Variants in TCF7L1 observed in about 807,000 individuals in gnomAD.
TCF7L1 encodes the protein transcription factor 7-like 1.
In TCF7L1, 18 loss-of-function variants were observed where a neutral mutation model predicts 63.7. The ratio of observed to expected loss-of-function variants is 0.28; its 90% confidence interval spans 0.20 to 0.42. The LOEUF (loss-of-function observed/expected upper bound fraction) is 0.42, where lower values mean the gene tolerates loss of function less well. Ranked by LOEUF, TCF7L1 falls within the 10% of genes least tolerant of loss-of-function variation. The pLI, the probability that TCF7L1 is intolerant of heterozygous loss-of-function variation, is 1.00. For synonymous variants in TCF7L1, 355 were observed against 340.9 expected (o/e 1.04, Z -0.46); for missense variants, 654 against 779.3 (o/e 0.84, Z 1.91).
At chr2:85,264,681 T>G (rs779882283) in intron 3 of TCF7L1, among the ~76,000 whole-genome samples, 3 of 152,138 alleles carry the variant, frequency 2.0e-5, no homozygotes, top group Non-Finnish European at 4.4e-5. Flanking sequence ...TTTAGAGCCT[T>G]TGTGCTCTGA....
intron 3 of TCF7L1, among the ~76,000 whole-genome samples, chr2:85,147,586 G>C (rs890065560): frequency 6.6e-6 from 1 of 152,156 alleles, no homozygotes; most frequent in African/African-American, 2.4e-5. Flanking sequence ...GATTGAGGAG[G>C]ACAGGATCTT....
intron 3 of TCF7L1, among the ~76,000 whole-genome samples, chr2:85,138,418 T>C (rs1240309458): frequency 6.6e-6 from 1 of 152,232 alleles, no homozygotes; most frequent in East Asian, 1.9e-4. Context: ...TAAGGAAACC[T>C]TTTCTTTTGG....
Position 85,153,340 on chromosome 2 carries a change from A to ATGTTTTTTTTTTTTTTTTTTTTTT in TCF7L1, c.441+18891_441+18892insGTTTTTTTTTTTTTTTTTTTTTTT, listed in dbSNP as rs750002994. ...TTCATGATCTTGCTAGCCTTTATAA[A>ATGTTTTTTTTTTTTTTTTTTTTTT]TTTTTTTTTTTTTTTTTTTGAGATG... On this transcript the variant is annotated intron_variant, in intron 3 of 11. Coordinates refer to ENST00000282111, the MANE Select transcript of TCF7L1 (RefSeq NM_031283.3). Among the ~76,000 whole-genome samples, 28 of 102,270 alleles carry ATGTTTTTTTTTTTTTTTTTTTTTT rather than the reference A, an allele frequency of 2.7e-4. 2 individuals carry two copies. The highest frequency in any genetic ancestry group is 6.5e-4 in the South Asian group (2 of 3,082). The allele number at this position is 102,270 out of a possible 152,430, so 67.1% of individuals were successfully genotyped here.
At chr2:85,293,492 A>G (rs1681772965) in intron 4 of TCF7L1, among the ~76,000 whole-genome samples, 1 of 152,206 alleles carries the variant, frequency 6.6e-6, no homozygotes, top group Non-Finnish European at 1.5e-5. Context: ...TGCCAGCATC[A>G]TGCTTTCTGT....
chr2:85,263,059 C>T (rs1450597193), intron 3 of TCF7L1, among the ~76,000 whole-genome samples: 1 of 152,192 alleles, frequency 6.6e-6, no homozygotes, highest in African/African-American at 2.4e-5. Context: ...CTCAGCAGCC[C>T]TTTGCCTTCA....
At chr2:85,193,386 C>T (rs1228930312) in intron 3 of TCF7L1, among the ~76,000 whole-genome samples, 1 of 152,098 alleles carries the variant, frequency 6.6e-6, no homozygotes, top group African/African-American at 2.4e-5. Context: ...TTTTCTTGCT[C>T]TAAAGGGCAT....
At chr2:85,269,166 C>T (rs1283302884) in intron 3 of TCF7L1, among the ~76,000 whole-genome samples, 1 of 152,198 alleles carries the variant, frequency 6.6e-6, no homozygotes, top group Non-Finnish European at 1.5e-5. Flanking sequence ...GGGGTGCCCT[C>T]ATCCACAACT....
intron 3 of TCF7L1, among the ~76,000 whole-genome samples, chr2:85,178,568 C>T (rs1016341825): frequency 3.3e-5 from 5 of 152,142 alleles, no homozygotes; most frequent in South Asian, 2.1e-4. Flanking sequence ...GGCCCTTTCA[C>T]GCTCCCACTC....
chr2:85,285,648 T>G (rs1427122593), intron 4 of TCF7L1, among the ~76,000 whole-genome samples: 1 of 152,168 alleles, frequency 6.6e-6, no homozygotes, highest in Admixed American at 6.5e-5. Flanking sequence ...GCGGGTGCCC[T>G]CTAGTGGTGC....
At chr2:85,150,634 C>A (rs1002120500) in intron 3 of TCF7L1, among the ~76,000 whole-genome samples, 21 of 150,272 alleles carry the variant, frequency 1.4e-4, no homozygotes, top group Non-Finnish European at 2.5e-4. Context: ...TTAGGTTGTA[C>A]ATTTTGGGCA....
intron 4 of TCF7L1, among the ~76,000 whole-genome samples, chr2:85,295,803 C>A (rs12471961): frequency 0.74 from 98,521 of 132,726 alleles, 37,829 homozygotes; most frequent in East Asian, 0.93. Context: ...TTTTTGAGAC[C>A]GTCTCGTTCT....
intron 3 of TCF7L1, among the ~76,000 whole-genome samples, chr2:85,144,431 A>AC (rs1489713899): frequency 6.6e-6 from 1 of 151,146 alleles, no homozygotes; most frequent in African/African-American, 2.4e-5. Context: ...AAAAAAAAAA[A>AC]AAACAAAAAC....
chr2:85,253,129 C>T (rs1680634415), intron 3 of TCF7L1, among the ~76,000 whole-genome samples: 2 of 152,118 alleles, frequency 1.3e-5, no homozygotes, highest in Admixed American at 1.3e-4. Context: ...CCAGTGTCAC[C>T]TTAAATGTAA....
rs1682229191 is a variant in TCF7L1, at chr2:85,309,661, CA to C, written c.*201del. The C allele has an allele frequency of 4.1e-6, 2 of 491,210 alleles. No homozygotes were observed. The highest frequency in any genetic ancestry group is 1.1e-4 in the South Asian group (2 of 17,748). 30.4% of individuals were successfully genotyped at this position (491,210 alleles called of 1,614,324 possible). A position where few individuals can be genotyped will look rare whatever the true frequency, so the allele number is the denominator to read the frequency against. On this transcript the variant is annotated 3_prime_UTR_variant, in exon 12 of 12. Coordinates refer to ENST00000282111, the MANE Select transcript of TCF7L1 (RefSeq NM_031283.3). The stretch of plus-strand genomic sequence containing the variant: ...GGCTTTTTTAAAAAACAAAACAAAA[CA>C]ACAAAAAAAAATCTTTATAAGAAAG...
intron 3 of TCF7L1, among the ~76,000 whole-genome samples, chr2:85,271,943 TC>T (rs1181869343): frequency 6.6e-6 from 1 of 152,272 alleles, no homozygotes; most frequent in Admixed American, 6.5e-5. Flanking sequence ...GGATTTGGGA[TC>T]CCTTCATTTC....
intron 3 of TCF7L1, among the ~76,000 whole-genome samples, chr2:85,243,286 G>A (rs1680381640): frequency 6.6e-6 from 1 of 152,230 alleles, no homozygotes; most frequent in Non-Finnish European, 1.5e-5. Context: ...GTCACCCAGA[G>A]GTGGGAGCAG....
chr2:85,179,526 C>T (rs941262086), intron 3 of TCF7L1, among the ~76,000 whole-genome samples: 1 of 152,192 alleles, frequency 6.6e-6, no homozygotes, highest in Admixed American at 6.5e-5. Context: ...CATCTTCCCC[C>T]TCCAAAACCT....
chr2:85,281,817 T>C (rs1301412891), intron 3 of TCF7L1, among the ~76,000 whole-genome samples: 1 of 152,156 alleles, frequency 6.6e-6, no homozygotes, highest in Non-Finnish European at 1.5e-5. Flanking sequence ...GACACCTTTT[T>C]GAAAGCCCAG....
chr2:85,221,848 C>T (rs531505638), intron 3 of TCF7L1, among the ~76,000 whole-genome samples: 224 of 151,006 alleles, frequency 1.5e-3, no homozygotes, highest in African/African-American at 5.2e-3. Flanking sequence ...GCCTCTAGAT[C>T]TAATTATTAA....
Sources: allele counts gnomAD v4.1 joint callset (sites outside exome capture counted in the v4.1 genomes callset), GRCh38; gene constraint gnomAD v4.1.1; transcripts MANE v1.5; gene names NCBI Gene and HGNC (gene_info 2026-07-23, HGNC 2026-07-21).